The following B3GLCT variants were observed in gnomAD, a reference collection of about 807,000 sequenced individuals.
The protein encoded by B3GLCT is beta-1,3-glucosyltransferase.
B3GLCT carries 65 observed loss-of-function variants against 63.4 expected under a neutral mutation model. The observed-to-expected ratio is 1.03, with a 90% confidence interval of 0.84 to 1.26. The LOEUF (loss-of-function observed/expected upper bound fraction) is 1.26, where lower values mean the gene tolerates loss of function less well. B3GLCT is among the 50% of genes most tolerant of loss of function. The pLI is 0.00. For synonymous variants in B3GLCT, 233 were observed against 219.2 expected (o/e 1.06, Z -0.55); for missense variants, 577 against 604.8 (o/e 0.95, Z 0.48).
chr13:31,260,928 T>TA lies in B3GLCT; in HGVS notation c.460-17dup. 1 of 1,609,540 alleles carries TA rather than the reference T, an allele frequency of 6.2e-7. No individual in the cohort carries two copies. Among genetic ancestry groups the TA allele is most frequent in the Non-Finnish European group, 8.5e-7 (1 of 1,175,906 alleles). On this transcript the variant is annotated splice_polypyrimidine_tract_variant and intron_variant, in intron 6 of 14. Coordinates refer to ENST00000343307, the MANE Select transcript of B3GLCT (RefSeq NM_194318.4). ...AATGATTGTTTTTAAAGTGACATGT[T>TA]ATATCTTTATTTAACAGGAATGGTT...
rs1424923743 is a variant in B3GLCT, at chr13:31,329,920, G to C, written c.*252G>C. 4.0e-6 allele frequency: 2 copies of C among 499,038 alleles called. No individual in the cohort carries two copies. The highest frequency in any genetic ancestry group is 7.3e-6 in the Non-Finnish European group (2 of 275,048). 30.9% of individuals were successfully genotyped at this position (499,038 alleles called of 1,614,324 possible). On this transcript the variant is annotated 3_prime_UTR_variant, in exon 15 of 15. Transcript: ENST00000343307. ...TGTTTTAACACTTAGTGATGACTGT[G>C]TATTCTCCAAGCTGTGATACAGCAG...
At chr13:31,238,967 G>A (rs1392172692) in intron 4 of B3GLCT, among the ~76,000 whole-genome samples, 2 of 152,356 alleles carry the variant, frequency 1.3e-5, no homozygotes, top group African/African-American at 2.4e-5. Context: ...TGAAGCCTGA[G>A]AGGAGAAGGC....
chr13:31,249,178 G>A (rs977287974), intron 6 of B3GLCT, among the ~76,000 whole-genome samples: 11 of 152,166 alleles, frequency 7.2e-5, no homozygotes, highest in African/African-American at 2.4e-4. Context: ...AACAGTGATC[G>A]TTAGATTAAT....
intron 12 of B3GLCT, among the ~76,000 whole-genome samples, chr13:31,294,444 C>T (rs773146141): frequency 1.1e-4 from 16 of 152,228 alleles, no homozygotes; most frequent in Non-Finnish European, 1.6e-4. Context: ...CTTTCAGGTA[C>T]AGCAATCAAA....
chr13:31,255,037 C>A (rs1353065940), intron 6 of B3GLCT, among the ~76,000 whole-genome samples: 316 of 130,574 alleles, frequency 2.4e-3, no homozygotes, highest in Middle Eastern at 0.012. Flanking sequence ...GACGCTGTCT[C>A]AAAAAAAAAA....
chr13:31,200,224 G>C (rs920718627), intron 1 of B3GLCT, 70 bp downstream of exon 1: 92 of 1,027,068 alleles, frequency 9.0e-5, no homozygotes, highest in Non-Finnish European at 1.1e-4. Context: ...CCGTGCCCCG[G>C]TCGGCGCGGG....
intron 12 of B3GLCT, among the ~76,000 whole-genome samples, chr13:31,293,005 T>C (rs1873756791): frequency 6.6e-6 from 1 of 152,192 alleles, no homozygotes; most frequent in African/African-American, 2.4e-5. Context: ...TCTGGTACAT[T>C]GTGTGTTTGT....
intron 11 of B3GLCT, 84 bp downstream of exon 11, chr13:31,284,845 G>A (rs1166486812): frequency 4.6e-6 from 4 of 864,140 alleles, no homozygotes; most frequent in East Asian, 2.6e-5. Context: ...AAAATGAAAT[G>A]TTTTATAAGT....
intron 6 of B3GLCT, among the ~76,000 whole-genome samples, chr13:31,259,799 T>C (rs896263540): frequency 6.6e-6 from 1 of 151,826 alleles, no homozygotes; most frequent in Non-Finnish European, 1.5e-5. Context: ...TAGTCCTTTA[T>C]GTCCTTTCTG....
Position 31,323,868 on chromosome 13 carries a change from T to A in B3GLCT, c.1302T>A (p.Pro434=). 1 of 1,614,234 alleles carries A rather than the reference T, an allele frequency of 6.2e-7. No individual in the cohort carries two copies. Among genetic ancestry groups the A allele is most frequent in the Non-Finnish European group, 8.5e-7 (1 of 1,180,030 alleles). The change falls in exon 14 of 15, where the codon CCT becomes CCA. Residue 434 remains proline (P), a synonymous_variant. Transcript: ENST00000343307. ...LGMCFSGLGI[P]VTHSPLFHQA... ...TGTGCTTTAGTGGCTTGGGAATCCC[T>A]GTGACACACAGCCCTCTCTTCCATC...
At chr13:31,253,427 T>C (rs904723119) in intron 6 of B3GLCT, among the ~76,000 whole-genome samples, 2 of 151,250 alleles carry the variant, frequency 1.3e-5, no homozygotes, top group African/African-American at 4.9e-5. Context: ...CCGTCTCTAC[T>C]AAAAGTGCAA....
intron 7 of B3GLCT, among the ~76,000 whole-genome samples, chr13:31,268,522 T>C (rs1248171373): frequency 1.3e-5 from 2 of 152,214 alleles, no homozygotes; most frequent in Non-Finnish European, 1.5e-5. Flanking sequence ...GGAAAAGTTT[T>C]ACAGAGAAGA....
intron 14 of B3GLCT, among the ~76,000 whole-genome samples, chr13:31,327,347 C>A (rs934996088): frequency 6.6e-6 from 1 of 152,138 alleles, no homozygotes. Context: ...CGGCTTCTAG[C>A]GACTCAGGGG....
intron 13 of B3GLCT, among the ~76,000 whole-genome samples, chr13:31,320,430 C>T (rs905888654): frequency 6.6e-6 from 1 of 152,146 alleles, no homozygotes; most frequent in Admixed American, 6.5e-5. Context: ...CCCAGTTTGC[C>T]GCTGAAAGCT....
At position 31,269,601 on chromosome 13, in the gene B3GLCT, C is replaced by T. The variant is rs145210616; in HGVS notation, c.660+324C>T. Among the ~76,000 whole-genome samples, 149 of 151,998 alleles carry T rather than the reference C, an allele frequency of 9.8e-4. 1 individual carries two copies. The highest frequency in any genetic ancestry group is 3.5e-3 in the African/African-American group (144 of 41,392). ...GTACCTCTGCTCTTACTTGATGCTTCGGTTGTACGTATGCCAGTGTAGATT... is the reference window on the plus strand; with the variant it reads ...GTACCTCTGCTCTTACTTGATGCTTTGGTTGTACGTATGCCAGTGTAGATT... On this transcript the variant is annotated intron_variant, in intron 8 of 14. Transcript: ENST00000343307.
intron 9 of B3GLCT, 113 bp downstream of exon 9, chr13:31,274,741 A>C: frequency 3.6e-6 from 5 of 1,370,716 alleles, no homozygotes; most frequent in Non-Finnish European, 5.1e-6. Flanking sequence ...TTCATGTGCA[A>C]GTTGGTTATA....
intron 3 of B3GLCT, 132 bp from the exon 4 acceptor site, chr13:31,229,053 C>T (rs1029187197): frequency 3.0e-5 from 20 of 662,972 alleles, no homozygotes; most frequent in African/African-American, 1.5e-4. Context: ...GAATTACATA[C>T]GAATTGATTT....
intron 10 of B3GLCT, among the ~76,000 whole-genome samples, chr13:31,278,641 C>T (rs533204508): frequency 1.3e-5 from 2 of 152,278 alleles, no homozygotes; most frequent in East Asian, 3.9e-4. Context: ...ACTTTGAAGT[C>T]CATTTTGCAT....
chr13:31,260,095 C>T (rs904901634), intron 6 of B3GLCT, among the ~76,000 whole-genome samples: 4 of 152,144 alleles, frequency 2.6e-5, no homozygotes, highest in African/African-American at 9.7e-5. Context: ...CTCTTTTGTA[C>T]CTTATTCCCA....
Sources: gnomAD v4.1 joint callset for allele counts (sites outside exome capture counted in the v4.1 genomes callset) on GRCh38, gnomAD v4.1.1 for gene constraint, MANE v1.5 for transcripts, NCBI Gene and HGNC (gene_info 2026-07-23, HGNC 2026-07-21) for gene names.